DSCAM: variants seen among roughly 807,000 people sequenced by gnomAD.
DSCAM encodes the protein DS cell adhesion molecule, also known as cell adhesion molecule DSCAM.
A neutral mutation model predicts 217.7 loss-of-function variants in DSCAM; 47 were observed. The observed-to-expected ratio is 0.22, with a 90% CI of 0.17 to 0.28. The LOEUF is 0.28. Ranked by LOEUF, DSCAM falls within the 10% of genes least tolerant of loss-of-function variation. The pLI, the probability that DSCAM is intolerant of heterozygous loss-of-function variation, is 1.00. For missense variants in DSCAM, 2,080 were observed against 2,618.3 expected, an observed-to-expected ratio of 0.79 and a Z score of 4.49; for synonymous variants, 1,056 against 1,015.3, an observed-to-expected ratio of 1.04 and a Z score of -0.76.
chr21:40,473,557 A>G (rs2075907523), intron 3 of DSCAM, among the ~76,000 whole-genome samples: 2 of 152,220 alleles, frequency 1.3e-5, no homozygotes, highest in South Asian at 2.1e-4. Flanking sequence ...GCGGTCACCT[A>G]TCAGGTAGAT....
chr21:40,458,115 T>C (rs1322061383), intron 3 of DSCAM, among the ~76,000 whole-genome samples: 1 of 152,202 alleles, frequency 6.6e-6, no homozygotes, highest in Non-Finnish European at 1.5e-5. Flanking sequence ...ACTGACCCAG[T>C]ATACAACGAA....
rs535337173 is a variant in DSCAM at position 40,558,426 on chromosome 21, C to T, written c.508+134384G>A. Among the ~76,000 whole-genome samples, 24 of 147,954 alleles carry T rather than the reference C, an allele frequency of 1.6e-4. 2 individuals carry two copies. In the South Asian group the frequency reaches 4.7e-3, roughly 29 times the overall value. ...TCGCACCACTGCACTCCAGCCTGGG[C>T]GACAGAGCAAGACTCCATCTCAAAA... is the stretch of plus-strand genomic sequence containing the variant. On this transcript the variant is annotated intron_variant, in intron 3 of 32. Transcript: ENST00000400454.
At chr21:40,219,054 G>A (rs141994773) in intron 11 of DSCAM, among the ~76,000 whole-genome samples, 25 of 152,170 alleles carry the variant, frequency 1.6e-4, no homozygotes, top group East Asian at 3.9e-4. Context: ...GTCTTGTGCC[G>A]GTTTTTAAGG....
intron 9 of DSCAM, among the ~76,000 whole-genome samples, chr21:40,299,980 G>A (rs1481323425): frequency 6.6e-6 from 1 of 151,984 alleles, no homozygotes; most frequent in South Asian, 2.1e-4. Context: ...TGGGTTTCAC[G>A]TACTCCTAGT....
intron 3 of DSCAM, among the ~76,000 whole-genome samples, chr21:40,560,480 T>C (rs2076711882): frequency 6.6e-6 from 1 of 152,242 alleles, no homozygotes; most frequent in Non-Finnish European, 1.5e-5. Context: ...CCATCCGTAC[T>C]GAACCAGGTT....
chr21:40,306,163 T>C (rs2074073373), intron 9 of DSCAM, among the ~76,000 whole-genome samples: 1 of 150,886 alleles, frequency 6.6e-6, no homozygotes, highest in Admixed American at 6.6e-5. Flanking sequence ...TTCACATCCC[T>C]TGTAAGTTGG....
chr21:40,081,034 C>A (rs2089448020), intron 24 of DSCAM, among the ~76,000 whole-genome samples: 1 of 152,212 alleles, frequency 6.6e-6, no homozygotes, highest in Non-Finnish European at 1.5e-5. Context: ...CCCTATGGAA[C>A]AGTGACGACT....
chr21:40,342,947 G>T (rs1414575951), intron 6 of DSCAM, among the ~76,000 whole-genome samples: 1 of 151,124 alleles, frequency 6.6e-6, no homozygotes, highest in Non-Finnish European at 1.5e-5. Flanking sequence ...TCTAATCCTT[G>T]AATATGGTAT....
intron 3 of DSCAM, among the ~76,000 whole-genome samples, chr21:40,604,925 G>C (rs2089212630): frequency 6.6e-6 from 1 of 152,148 alleles, no homozygotes; most frequent in East Asian, 1.9e-4. Context: ...GATAGAAGGG[G>C]GCACCAGTGG....
At chr21:40,082,756 C>T (rs1271841564) in intron 24 of DSCAM, among the ~76,000 whole-genome samples, 2 of 149,700 alleles carry the variant, frequency 1.3e-5, no homozygotes, top group African/African-American at 4.9e-5. Flanking sequence ...AAATGTTTAA[C>T]AACTGGTTCT....
At chr21:40,444,631 A>G (rs2075659558) in intron 3 of DSCAM, among the ~76,000 whole-genome samples, 1 of 152,218 alleles carries the variant, frequency 6.6e-6, no homozygotes, top group African/African-American at 2.4e-5. Context: ...GGCATAGCAT[A>G]AAATATTTAC....
chr21:40,808,474 A>ATT (rs10538615), intron 1 of DSCAM, among the ~76,000 whole-genome samples: 3,090 of 139,454 alleles, frequency 0.022, 74 homozygotes, highest in Admixed American at 0.055. Context: ...TACAACCATC[A>ATT]TTTTTTTTTT....
At position 40,708,728 on chromosome 21, in the gene DSCAM, T is replaced by C. The variant is rs754986461; in HGVS notation, c.87A>G (p.Ala29=). 3 of 1,604,422 alleles carry C rather than the reference T, an allele frequency of 1.9e-6. No individual in the cohort carries two copies. Among genetic ancestry groups the C allele is most frequent in the Non-Finnish European group, 2.6e-6 (3 of 1,174,812 alleles). ...DLHSSLYFVN[A]SLQEVVFAST... is the part of the protein sequence containing the mutation. ...TGGCAAACACTACCTCTTGCAGAGA[T>C]GCATTGACAAAGTAGAGGCTGGAGT... The change falls in exon 2 of 33, where the codon GCA becomes GCG. Residue 29 remains alanine (A), a synonymous_variant. Coordinates refer to ENST00000400454, the MANE Select transcript of DSCAM (RefSeq NM_001389.5).
chr21:40,446,332 C>A lies in DSCAM; in HGVS notation c.509-77087G>T, dbSNP rs116893146. ...TGTCATCAATCAAGGCAACTGTGGA[C>A]TCTGCTAAGGCCATGTCATGTAATC... On this transcript the variant is annotated intron_variant, in intron 3 of 32. Transcript: ENST00000400454. Among the ~76,000 whole-genome samples, 4 of 152,234 alleles carry A rather than the reference C, an allele frequency of 2.6e-5. No individual in the cohort carries two copies. In the East Asian group the frequency reaches 7.7e-4, roughly 29 times the overall value.
intron 3 of DSCAM, among the ~76,000 whole-genome samples, chr21:40,396,569 C>A (rs1437883467): frequency 6.6e-6 from 1 of 152,116 alleles, no homozygotes. Flanking sequence ...GAACACTTAA[C>A]TGGAAATGGT....
At chr21:40,082,701 A>G (rs1395827841) in intron 24 of DSCAM, among the ~76,000 whole-genome samples, 2 of 19,046 alleles carry the variant, frequency 1.1e-4, no homozygotes, top group East Asian at 1.3e-3. Context: ...TCCTAAAAGA[A>G]AAAAAAAAAA....
chr21:40,800,959 C>A (rs902513787), intron 1 of DSCAM, among the ~76,000 whole-genome samples: 5 of 120,814 alleles, frequency 4.1e-5, no homozygotes, highest in Non-Finnish European at 7.7e-5. Context: ...TTTCTTTCTT[C>A]TCCTTTTTTT....
chr21:40,589,112 G>A (rs977349715), intron 3 of DSCAM, among the ~76,000 whole-genome samples: 5 of 146,002 alleles, frequency 3.4e-5, no homozygotes, highest in Admixed American at 1.4e-4. Context: ...TATTCACAAC[G>A]AAATTGCAAT....
At chr21:40,789,202 G>A (rs1470806560) in intron 1 of DSCAM, among the ~76,000 whole-genome samples, 5 of 151,250 alleles carry the variant, frequency 3.3e-5, no homozygotes, top group African/African-American at 1.2e-4. Flanking sequence ...TGAAACCAGG[G>A]AAACATTAAG....
Sources: allele counts gnomAD v4.1 joint callset (sites outside exome capture counted in the v4.1 genomes callset), GRCh38; gene constraint gnomAD v4.1.1; transcripts MANE v1.5; gene names NCBI Gene and HGNC (gene_info 2026-07-23, HGNC 2026-07-21).